PUM1: variants seen among roughly 807,000 people sequenced by gnomAD.
The protein encoded by PUM1 is pumilio RNA binding family member 1.
PUM1 carries 13 observed loss-of-function variants against 131.8 expected under a neutral mutation model. The ratio of observed to expected loss-of-function variants is 0.10; its 90% CI spans 0.06 to 0.16. PUM1 has a LOEUF of 0.16. Ranked by LOEUF, PUM1 falls within the 10% of genes least tolerant of loss-of-function variation. PUM1 has a pLI of 1.00. For synonymous variants in PUM1, 509 were observed against 556.5 expected (o/e 0.91, Z 1.20); for missense variants, 961 against 1,512.4 (o/e 0.64, Z 6.05).
chr1:31,001,731 T>C (rs1435075206), intron 5 of PUM1, among the ~76,000 whole-genome samples: 1 of 152,214 alleles, frequency 6.6e-6, no homozygotes, highest in Non-Finnish European at 1.5e-5. Context: ...ATTGCCTTTT[T>C]CACAATGCCC....
chr1:30,992,794 G>T, intron 6 of PUM1, 134 bp from the exon 7 acceptor site: 1 of 779,132 alleles, frequency 1.3e-6, no homozygotes. Flanking sequence ...AAAATAACCA[G>T]AGATACTTTA....
intron 7 of PUM1, among the ~76,000 whole-genome samples, chr1:30,991,717 AAAAT>A (rs1570223988): frequency 6.6e-6 from 1 of 152,244 alleles, no homozygotes; most frequent in Non-Finnish European, 1.5e-5. Context: ...CTTTCTTTAA[AAAAT>A]AAATAAATAA....
chr1:30,952,478 GCA>G, intron 15 of PUM1, 115 bp from the exon 16 acceptor site: 1 of 1,436,748 alleles, frequency 7.0e-7, no homozygotes, highest in South Asian at 1.3e-5. Context: ...GAGCATGTGT[GCA>G]CACACATGCA....
At chr1:31,016,211 T>A (rs1642812708) in intron 3 of PUM1, among the ~76,000 whole-genome samples, 1 of 152,244 alleles carries the variant, frequency 6.6e-6, no homozygotes, top group South Asian at 2.1e-4. Context: ...GTTCAGCTAG[T>A]AATTATTATG....
intron 3 of PUM1, among the ~76,000 whole-genome samples, chr1:31,019,074 C>T (rs1361121231): frequency 6.6e-6 from 1 of 152,098 alleles, no homozygotes; most frequent in Non-Finnish European, 1.5e-5. Flanking sequence ...ACAACCAGGT[C>T]GGGTGTGGTG....
chr1:30,972,711 T>C (rs1400346130), intron 10 of PUM1, among the ~76,000 whole-genome samples: 1 of 149,384 alleles, frequency 6.7e-6, no homozygotes, highest in African/African-American at 2.5e-5. Flanking sequence ...GAGGCAGAGG[T>C]TGCAGCGAGC....
intron 2 of PUM1, among the ~76,000 whole-genome samples, chr1:31,056,609 C>CTTTTCTTT (rs1644245029): frequency 2.1e-4 from 9 of 43,712 alleles, no homozygotes; most frequent in Non-Finnish European, 3.2e-4. Flanking sequence ...CTTTTCTTTT[C>CTTTTCTTT]TTTTTTTTTT....
chr1:30,943,355 C>T (rs1006529847), intron 18 of PUM1, among the ~76,000 whole-genome samples: 1 of 152,036 alleles, frequency 6.6e-6, no homozygotes, highest in South Asian at 2.1e-4. Flanking sequence ...CTCCGCCTCC[C>T]GGGCTCAAGC....
chr1:30,966,058 G>A lies in PUM1; in HGVS notation c.2010C>T (p.Asn670=). The part of the protein sequence containing the change: ...LFSQGSAQPA[N]TSLGFGSSSS... Reference sequence around the variant, plus strand: ...TGCTACTTCCGAATCCCAAGGATGTGTTGGCAGGCTGGGCAGAGCCCTGGG... The same window carrying A: ...TGCTACTTCCGAATCCCAAGGATGTATTGGCAGGCTGGGCAGAGCCCTGGG... Residue 670 remains asparagine (N), a synonymous_variant, in exon 13 of 22, where the codon AAC becomes AAT. Transcript: ENST00000426105. 1 of 1,614,240 alleles carries A rather than the reference G, an allele frequency of 6.2e-7. No homozygotes were observed. Among genetic ancestry groups the A allele is most frequent in the South Asian group, 1.1e-5 (1 of 91,086 alleles).
At chr1:31,051,364 C>T (rs1644105906) in intron 2 of PUM1, among the ~76,000 whole-genome samples, 1 of 150,148 alleles carries the variant, frequency 6.7e-6, no homozygotes, top group Non-Finnish European at 1.5e-5. Context: ...AGTGCAATGG[C>T]ACAATCTCGG....
intron 6 of PUM1, among the ~76,000 whole-genome samples, chr1:30,993,260 C>T (rs1036064233): frequency 5.9e-5 from 9 of 151,386 alleles, no homozygotes; most frequent in African/African-American, 2.2e-4. Context: ...CTAGGATATG[C>T]CCCTGTTAAG....
Position 30,933,381 on chromosome 1 carries a change from T to C in PUM1, c.3436-39A>G, listed in dbSNP as rs138666431. On this transcript the variant is annotated intron_variant, in intron 21 of 21. Transcript: ENST00000426105. ...ACAGTCTGTGTTACATGGCCTGAGATGAGACTTGGGGGCAGGCTTCCCGGA... is the reference window on the plus strand; with the variant it reads ...ACAGTCTGTGTTACATGGCCTGAGACGAGACTTGGGGGCAGGCTTCCCGGA... 8,919 of 1,599,344 alleles carry C rather than the reference T, an allele frequency of 5.6e-3. 59 individuals are homozygous for C. Among genetic ancestry groups the C allele is most frequent in the East Asian group, 0.026 (1,141 of 43,830 alleles).
chr1:31,060,153 AGC>A (rs1178346359), intron 1 of PUM1, among the ~76,000 whole-genome samples: 3 of 149,558 alleles, frequency 2.0e-5, no homozygotes, highest in African/African-American at 7.3e-5. Flanking sequence ...CAGCCCCAAA[AGC>A]CTTTTTAAAA....
chr1:31,065,035 G>A lies in PUM1; in HGVS notation c.-12+581C>T, dbSNP rs186666392. On this transcript the variant is annotated intron_variant, in intron 1 of 21. Coordinates refer to ENST00000426105, the MANE Select transcript of PUM1 (RefSeq NM_001020658.2). ...GAAACAAAAGGCCACAGCAACCCAG[G>A]AGCCTAAAAAGCATTCTGAAACTTC... 5.8e-4 allele frequency among the ~76,000 whole-genome samples: 89 copies of A among 152,182 alleles called. 1 individual carries two copies. In the Middle Eastern group the frequency reaches 0.048, roughly 81 times the overall value.
intron 16 of PUM1, 141 bp from the exon 17 acceptor site, chr1:30,950,402 T>G: frequency 1.3e-6 from 1 of 794,802 alleles, no homozygotes; most frequent in South Asian, 2.8e-5. Context: ...ACCTTTTATT[T>G]AAAGAGCCAT....
intron 2 of PUM1, among the ~76,000 whole-genome samples, chr1:31,052,700 C>CTTT (rs1376812559): frequency 4.4e-5 from 6 of 134,966 alleles, no homozygotes; most frequent in Non-Finnish European, 6.5e-5. Context: ...TATCCATTAT[C>CTTT]TTTTTTTTTT....
intron 14 of PUM1, among the ~76,000 whole-genome samples, chr1:30,954,240 T>C (rs1169999492): frequency 6.6e-6 from 1 of 152,172 alleles, no homozygotes; most frequent in Non-Finnish European, 1.5e-5. Flanking sequence ...GAGCAACAGT[T>C]AGCATGGCCC....
chr1:30,936,765 T>C lies in PUM1; in HGVS notation c.3313A>G (p.Thr1105Ala), dbSNP rs1226773926. 6.2e-7 allele frequency: 1 copy of C among 1,614,040 alleles called. No homozygotes were observed. The highest frequency in any genetic ancestry group is 2.2e-5 in the East Asian group (1 of 44,878). ...GCACTGTGGGGACCGTCGTTCATGG[T>C]GCACACCTCATCGATGAGCACAGCG... ...ERAVLIDEVC[T>A]MNDGPHSALY... Residue 1105 changes from threonine (T) to alanine (A), a missense_variant, in exon 21 of 22, where the codon ACC becomes GCC. By Grantham distance (58) the Thr-to-Ala change is moderately conservative. This residue lies in a region of PUM1 where 178 missense variants were observed against 327.5 expected (regional missense o/e 0.54). Transcript: ENST00000426105.
At chr1:30,949,777 T>C (rs906599157) in intron 17 of PUM1, among the ~76,000 whole-genome samples, 8 of 152,162 alleles carry the variant, frequency 5.3e-5, no homozygotes, top group Admixed American at 1.3e-4. Context: ...TAAAAAAATA[T>C]GGAAGGTGGG....
Sources: allele counts gnomAD v4.1 joint callset (sites outside exome capture counted in the v4.1 genomes callset), GRCh38; gene constraint gnomAD v4.1.1; regional missense constraint gnomAD v4.1.1; transcripts MANE v1.5; gene names NCBI Gene and HGNC (gene_info 2026-07-23, HGNC 2026-07-21).